Variants in PKHD1 observed in about 807,000 individuals in gnomAD.
PKHD1 encodes PKHD1 ciliary IPT domain containing fibrocystin/polyductin, also known as fibrocystin.
PKHD1 carries 291 observed loss-of-function variants against 412.0 expected under a neutral mutation model. The ratio of observed to expected loss-of-function variants is 0.71; its 90% CI spans 0.64 to 0.78. The LOEUF is 0.78. Ranked by LOEUF, PKHD1 falls within the 30% of genes least tolerant of loss-of-function variation. The probability of loss-of-function intolerance (pLI) is 0.00; values close to 1 mark genes in which losing one functional copy is unlikely to be tolerated. For missense variants in PKHD1, 4,825 were observed against 4,950.7 expected (o/e 0.97, Z 0.76); for synonymous variants, 1,777 against 1,821.5 (o/e 0.98, Z 0.62).
chr6:51,907,221 T>A (rs1782240711), intron 40 of PKHD1, among the ~76,000 whole-genome samples: 2 of 152,198 alleles, frequency 1.3e-5, no homozygotes, highest in Non-Finnish European at 1.5e-5. Context: ...GTGAGAAAGA[T>A]ACAGATGCCA....
At chr6:51,828,149 T>C (rs1398765287) in intron 52 of PKHD1, among the ~76,000 whole-genome samples, 1 of 152,054 alleles carries the variant, frequency 6.6e-6, no homozygotes, top group African/African-American at 2.4e-5. Context: ...TAATATATAG[T>C]CTAATTTGGA....
intron 46 of PKHD1, among the ~76,000 whole-genome samples, chr6:51,872,348 A>G (rs1776108499): frequency 6.6e-6 from 1 of 152,162 alleles, no homozygotes; most frequent in African/African-American, 2.4e-5. Flanking sequence ...CAAGTTCCTA[A>G]GAGCTTTCAG....
intron 51 of PKHD1, among the ~76,000 whole-genome samples, chr6:51,832,821 G>A (rs906234278): frequency 3.3e-5 from 5 of 152,080 alleles, no homozygotes; most frequent in Non-Finnish European, 5.9e-5. Context: ...AGTAGTCATG[G>A]TTTAATTAGA....
chr6:51,907,672 C>T (rs1477546942), intron 40 of PKHD1, among the ~76,000 whole-genome samples: 4 of 152,090 alleles, frequency 2.6e-5, no homozygotes, highest in African/African-American at 7.2e-5. Context: ...TTAAAAAGTA[C>T]TGTTCAAATA....
rs1436814142 is a variant in PKHD1 at position 51,885,905 on chromosome 6, G to A, written c.7177C>T (p.Gln2393Ter). ...WDNVTGTTLF[Q>*]SFTVWESAGG... ...GCACTTTCCCAAACTGTGAAGCTCTGGAACAGAGTGGTGCCAGTGACATTA... is the reference window on the plus strand; with the variant it reads ...GCACTTTCCCAAACTGTGAAGCTCTAGAACAGAGTGGTGCCAGTGACATTA... The change falls in exon 45 of 67, where the codon CAG becomes TAG. Residue 2393 changes from glutamine (Q) to a stop codon, truncating the protein, a stop_gained. Transcript: ENST00000371117. LOFTEE classifies it high-confidence loss of function. The A allele has an allele frequency of 3.7e-6, 6 of 1,613,142 alleles. No individual in the cohort carries two copies. Among genetic ancestry groups the A allele is most frequent in the Non-Finnish European group, 5.1e-6 (6 of 1,179,396 alleles).
chr6:52,004,856 G>GCTTCTAAGCCT (rs1798859766), intron 35 of PKHD1, among the ~76,000 whole-genome samples: 2 of 152,226 alleles, frequency 1.3e-5, no homozygotes, highest in African/African-American at 4.8e-5. Context: ...TACCTTAGAG[G>GCTTCTAAGCCT]CTATGTTCAC....
intron 60 of PKHD1, among the ~76,000 whole-genome samples, chr6:51,692,076 C>G (rs577289246): frequency 1.2e-4 from 18 of 152,246 alleles, no homozygotes; most frequent in Non-Finnish European, 1.9e-4. Flanking sequence ...TCATACCTAA[C>G]AGCAACTCCT....
intron 60 of PKHD1, among the ~76,000 whole-genome samples, chr6:51,660,690 T>C (rs1254121666): frequency 2.6e-5 from 4 of 152,144 alleles, no homozygotes; most frequent in African/African-American, 9.7e-5. Context: ...AAGACGCAGA[T>C]GAACAGACAG....
rs139869214 is a variant in PKHD1, at chr6:51,799,480, C to T, written c.8303-8107G>A. Reference sequence around the variant, plus strand: ...GAAATGATGACATACTTTTTAATTACATGGAGGTTGACTCTGTTTTTATTC... The same window carrying T: ...GAAATGATGACATACTTTTTAATTATATGGAGGTTGACTCTGTTTTTATTC... On this transcript the variant is annotated intron_variant, in intron 52 of 66. Coordinates refer to ENST00000371117, the MANE Select transcript of PKHD1 (RefSeq NM_138694.4). Among the ~76,000 whole-genome samples, 318 of 152,252 alleles carry T rather than the reference C, an allele frequency of 2.1e-3. 3 individuals are homozygous for T. The highest frequency in any genetic ancestry group is 7.3e-3 in the African/African-American group (303 of 41,550).
intron 60 of PKHD1, among the ~76,000 whole-genome samples, chr6:51,669,830 G>A (rs1192079115): frequency 8.5e-6 from 1 of 118,046 alleles, no homozygotes; most frequent in African/African-American, 4.2e-5. Flanking sequence ...GGAGCAGGTT[G>A]TTCAGTTTCC....
At chr6:51,884,496 G>A (rs564232218) in intron 45 of PKHD1, among the ~76,000 whole-genome samples, 5 of 152,208 alleles carry the variant, frequency 3.3e-5, no homozygotes, top group Non-Finnish European at 7.4e-5. Flanking sequence ...GGTATAGTTC[G>A]AGGGAAGTTT....
chr6:51,906,218 C>G lies in PKHD1; in HGVS notation c.6805G>C (p.Val2269Leu). 6.2e-7 allele frequency: 1 copy of G among 1,611,966 alleles called. No individual in the cohort carries two copies. The highest frequency in any genetic ancestry group is 8.5e-7 in the Non-Finnish European group (1 of 1,178,348). The change falls in exon 41 of 67, where the codon GTT becomes CTT. Residue 2269 changes from valine (V) to leucine (L), a missense_variant. Coordinates refer to ENST00000371117, the MANE Select transcript of PKHD1 (RefSeq NM_138694.4). Reference protein sequence around the residue: ...FYNILGHALLVGTCTEMRYIS... With the variant: ...FYNILGHALLLGTCTEMRYIS... ...TCAACAAGCTTGTTTTACTTACCAA[C>G]TAGCAGCGCATGACCTAAAATATTG...
intron 35 of PKHD1, among the ~76,000 whole-genome samples, chr6:51,982,892 A>T (rs28497467): frequency 0.39 from 54,362 of 140,328 alleles, 12,211 homozygotes; most frequent in Admixed American, 0.52. Flanking sequence ...AAATAAAATA[A>T]AAAAAAGAGA....
chr6:51,724,290 C>G (rs567279800), intron 60 of PKHD1, among the ~76,000 whole-genome samples: 105 of 152,186 alleles, frequency 6.9e-4, no homozygotes, highest in South Asian at 5.0e-3. Context: ...GATTTGCAAA[C>G]AATTATCTAG....
intron 12 of PKHD1, 72 bp from the exon 13 acceptor site, chr6:52,065,122 T>C (rs1352966566): frequency 6.4e-6 from 3 of 465,320 alleles, no homozygotes; most frequent in Non-Finnish European, 1.2e-5. Flanking sequence ...TGTGTGTGGG[T>C]ATATGTATAA....
At chr6:51,934,024 T>C (rs1275823448) in intron 37 of PKHD1, 86 bp downstream of exon 37, 3 of 1,031,102 alleles carry the variant, frequency 2.9e-6, no homozygotes, top group African/African-American at 1.6e-5. Flanking sequence ...TCAGCAACTA[T>C]AGTCAAGGAC....
chr6:52,072,284 T>G, intron 7 of PKHD1, 95 bp from the exon 8 acceptor site: 5 of 807,566 alleles, frequency 6.2e-6, no homozygotes, highest in Middle Eastern at 2.4e-4. Flanking sequence ...AACATGGCTA[T>G]GAACACTCTC....
intron 6 of PKHD1, among the ~76,000 whole-genome samples, chr6:52,075,403 A>T (rs1811211040): frequency 6.6e-6 from 1 of 152,166 alleles, no homozygotes; most frequent in Non-Finnish European, 1.5e-5. Context: ...TTTTTAGCAC[A>T]CTCTTACCAT....
intron 48 of PKHD1, among the ~76,000 whole-genome samples, chr6:51,866,611 G>A (rs921169362): frequency 3.3e-5 from 5 of 152,068 alleles, no homozygotes; most frequent in African/African-American, 1.2e-4. Flanking sequence ...CATGATAAAG[G>A]ACTATCAGGA....
Sources: gnomAD v4.1 joint callset for allele counts (sites outside exome capture counted in the v4.1 genomes callset) on GRCh38, gnomAD v4.1.1 for gene constraint, MANE v1.5 for transcripts, NCBI Gene and HGNC (gene_info 2026-07-23, HGNC 2026-07-21) for gene names.